The following ATP8B1 variants were observed in gnomAD, a reference collection of about 807,000 sequenced individuals.
ATP8B1 encodes phospholipid-transporting ATPase IC.
In ATP8B1, 80 loss-of-function variants were observed where a neutral mutation model predicts 149.9. The observed-to-expected ratio is 0.53, with a 90% confidence interval of 0.45 to 0.64. The LOEUF (loss-of-function observed/expected upper bound fraction) is 0.64, where lower values mean the gene tolerates loss of function less well. Ranked by LOEUF, ATP8B1 falls within the 30% of genes least tolerant of loss-of-function variation. ATP8B1 has a pLI of 0.00. For synonymous variants in ATP8B1, 536 were observed against 562.8 expected (o/e 0.95, Z 0.67); for missense variants, 1,247 against 1,552.6 (o/e 0.80, Z 3.31).
intron 1 of ATP8B1, among the ~76,000 whole-genome samples, chr18:57,781,191 T>C (rs1319736267): frequency 6.6e-6 from 1 of 152,264 alleles, no homozygotes; most frequent in Non-Finnish European, 1.5e-5. Context: ...CAGGAACTTC[T>C]ACTTCTTCAA....
intron 15 of ATP8B1, among the ~76,000 whole-genome samples, chr18:57,683,066 C>G (rs1194652277): frequency 6.6e-6 from 1 of 152,106 alleles, no homozygotes; most frequent in Non-Finnish European, 1.5e-5. Flanking sequence ...TGAGCTCAAG[C>G]AATCCATTCA....
intron 16 of ATP8B1, among the ~76,000 whole-genome samples, chr18:57,673,006 TATAC>T (rs1397963409): frequency 7.9e-6 from 1 of 127,112 alleles, no homozygotes; most frequent in African/African-American, 2.9e-5. Flanking sequence ...TATATATAAA[TATAC>T]ATATATAAAT....
At chr18:57,733,472 C>T (rs373499920) in intron 1 of ATP8B1, among the ~76,000 whole-genome samples, 2 of 152,006 alleles carry the variant, frequency 1.3e-5, no homozygotes, top group Non-Finnish European at 2.9e-5. Context: ...TTTGGGAGGC[C>T]GAGGTGGGCG....
At chr18:57,708,736 A>G (rs1256856444) in intron 2 of ATP8B1, among the ~76,000 whole-genome samples, 1 of 152,218 alleles carries the variant, frequency 6.6e-6, no homozygotes, top group African/African-American at 2.4e-5. Context: ...GGAAAGAAGA[A>G]ACTGCCCTGT....
At chr18:57,799,008 GCAACAACA>G (rs2080546864) in intron 1 of ATP8B1, among the ~76,000 whole-genome samples, 1 of 152,206 alleles carries the variant, frequency 6.6e-6, no homozygotes, top group Non-Finnish European at 1.5e-5. Flanking sequence ...CAAAGTCATA[GCAACAACA>G]CAACAATGTA....
intron 1 of ATP8B1, among the ~76,000 whole-genome samples, chr18:57,774,026 C>T (rs939242445): frequency 6.6e-6 from 1 of 152,166 alleles, no homozygotes; most frequent in Admixed American, 6.5e-5. Context: ...TCACTTCTCT[C>T]AGAGTAAAAC....
chr18:57,660,070 A>C (rs1910293984), intron 22 of ATP8B1, among the ~76,000 whole-genome samples: 1 of 152,148 alleles, frequency 6.6e-6, no homozygotes, highest in Admixed American at 6.6e-5. Flanking sequence ...GATGAGGATG[A>C]ATATCCAGGT....
intron 2 of ATP8B1, among the ~76,000 whole-genome samples, chr18:57,711,342 T>C (rs1406783053): frequency 1.3e-5 from 2 of 152,178 alleles, no homozygotes; most frequent in Non-Finnish European, 2.9e-5. Flanking sequence ...CCCATAAATA[T>C]GGTAGGAATT....
rs138485738 is a variant in ATP8B1, at chr18:57,786,322, C to G, written c.-26+16676G>C. Among the ~76,000 whole-genome samples, 432 of 152,306 alleles carry G rather than the reference C, an allele frequency of 2.8e-3. 5 individuals are homozygous for G. Among genetic ancestry groups the G allele is most frequent in the Admixed American group, 0.024 (364 of 15,288 alleles). ...AAGGAATCCTAACACACCTTTGCTG[C>G]CGTGGCTGGACATCACTTCAGAATC... On this transcript the variant is annotated intron_variant, in intron 1 of 27. Transcript: ENST00000648908.
Position 57,668,535 on chromosome 18 carries a change from C to T in ATP8B1, c.2103G>A (p.Leu701=). Residue 701 remains leucine (L), a synonymous_variant, in exon 19 of 28, where the codon CTG becomes CTA. Coordinates refer to ENST00000648908, the MANE Select transcript of ATP8B1 (RefSeq NM_001374385.1). ...YEEIEKDLIL[L]GATAIEDKLQ... is the part of the protein sequence containing the mutation. ...GCTTGTCTTCAATAGCTGTAGCTCC[C>T]AGGAGCTAGAATGTATATTAAAAAA... is the stretch of plus-strand genomic sequence containing the variant. The T allele has an allele frequency of 2.5e-5, 25 of 1,002,044 alleles. No homozygotes were observed. Among genetic ancestry groups the T allele is most frequent in the Non-Finnish European group, 3.6e-5 (23 of 647,232 alleles). The allele number at this position is 1,002,044 out of a possible 1,614,324, so 62.1% of individuals were successfully genotyped here.
At chr18:57,702,821 C>G (rs1913195594) in intron 4 of ATP8B1, among the ~76,000 whole-genome samples, 2 of 148,998 alleles carry the variant, frequency 1.3e-5, no homozygotes, top group Non-Finnish European at 3.0e-5. Context: ...CACGCCATTG[C>G]ACTCCAGCCT....
At chr18:57,669,537 AT>A (rs1332415132) in intron 17 of ATP8B1, 55 bp from the exon 18 acceptor site, 5 of 1,517,584 alleles carry the variant, frequency 3.3e-6, no homozygotes, top group Non-Finnish European at 4.5e-6. Context: ...AATTTATGTA[AT>A]TCAGGATCAA....
At chr18:57,701,363 T>G in intron 4 of ATP8B1, 50 bp from the exon 5 acceptor site, 1 of 1,512,780 alleles carries the variant, frequency 6.6e-7, no homozygotes. Flanking sequence ...CATATCAAGC[T>G]TACAGGTAAC....
chr18:57,693,797 T>C (rs1912664276), intron 11 of ATP8B1, among the ~76,000 whole-genome samples: 1 of 152,206 alleles, frequency 6.6e-6, no homozygotes, highest in Non-Finnish European at 1.5e-5. Flanking sequence ...CTGCATTCTT[T>C]TGGGGAGTCT....
intron 4 of ATP8B1, among the ~76,000 whole-genome samples, chr18:57,704,248 G>C (rs528005452): frequency 6.6e-6 from 1 of 152,178 alleles, no homozygotes; most frequent in South Asian, 2.1e-4. Flanking sequence ...GATTATAGGC[G>C]TGGGCCACTG....
intron 15 of ATP8B1, among the ~76,000 whole-genome samples, chr18:57,677,561 C>T (rs4940980): frequency 0.33 from 49,472 of 151,962 alleles, 8,692 homozygotes; most frequent in Non-Finnish European, 0.4. Flanking sequence ...ACCTTCCTTC[C>T]TTCCTTCACA....
chr18:57,728,637 T>A (rs1250923930), intron 2 of ATP8B1, among the ~76,000 whole-genome samples: 1 of 151,800 alleles, frequency 6.6e-6, no homozygotes, highest in East Asian at 1.9e-4. Context: ...TCATTTGATA[T>A]GGGTTTTGAG....
intron 15 of ATP8B1, 79 bp downstream of exon 15, chr18:57,683,957 G>A: frequency 6.6e-7 from 1 of 1,524,176 alleles, no homozygotes; most frequent in Non-Finnish European, 9.1e-7. Context: ...TACTTGACAT[G>A]CATTTGAGCC....
intron 12 of ATP8B1, 95 bp from the exon 13 acceptor site, chr18:57,688,602 CTTAT>C: frequency 8.2e-7 from 1 of 1,219,082 alleles, no homozygotes. Context: ...GAGCAAGCTG[CTTAT>C]TTACTGCTAT....
Sources: allele counts gnomAD v4.1 joint callset (sites outside exome capture counted in the v4.1 genomes callset), GRCh38; gene constraint gnomAD v4.1.1; transcripts MANE v1.5; gene names NCBI Gene and HGNC (gene_info 2026-07-23, HGNC 2026-07-21).